The following ZC3HC1 variants were observed in gnomAD, a reference collection of about 807,000 sequenced individuals.
ZC3HC1 encodes the protein zinc finger C3HC-type containing 1.
ZC3HC1 carries 38 observed loss-of-function variants against 61.9 expected under a neutral mutation model. That is an observed-to-expected ratio of 0.61 (90% CI 0.47 to 0.81). The LOEUF is 0.81. Among genes scored for constraint, ZC3HC1 ranks in the 30% least tolerant of loss-of-function variants. The probability of loss-of-function intolerance (pLI) is 0.00; values close to 1 mark genes in which losing one functional copy is unlikely to be tolerated. For synonymous variants in ZC3HC1, 213 were observed against 229.9 expected, an observed-to-expected ratio of 0.93 and a Z score of 0.67; for missense variants, 554 against 622.7, an observed-to-expected ratio of 0.89 and a Z score of 1.17.
rs755910813 is a variant in ZC3HC1, at chr7:130,022,420, C to G, written c.1339G>C (p.Glu447Gln). 1.2e-6 allele frequency: 2 copies of G among 1,612,502 alleles called. No individual in the cohort carries two copies. The highest frequency in any genetic ancestry group is 2.2e-5 in the South Asian group (2 of 90,808). ...GKESRENGGT[E>Q]PDASAPAEPG... is the part of the protein sequence containing the mutation. The stretch of plus-strand genomic sequence containing the variant: ...TCTGCTGGGGCGCTGGCATCTGGTT[C>G]AGTTCCACCATTCTCCCTGCTTTCT... Residue 447 changes from glutamate (E) to glutamine (Q), a missense_variant, in exon 9 of 10, where the codon GAA becomes CAA. Transcript: ENST00000358303.
intron 2 of ZC3HC1, 35 bp from the exon 3 acceptor site, chr7:130,041,136 A>G (rs1194824772): frequency 3.2e-6 from 5 of 1,542,498 alleles, no homozygotes; most frequent in Non-Finnish European, 4.4e-6. Flanking sequence ...CAGCAAATAT[A>G]TATATATATG....
chr7:130,050,072 G>T (rs559137082), intron 1 of ZC3HC1, among the ~76,000 whole-genome samples: 39 of 151,988 alleles, frequency 2.6e-4, no homozygotes, highest in Non-Finnish European at 4.9e-4. Context: ...ATTGCTGAAA[G>T]ACAAGCATTT....
Position 130,037,586 on chromosome 7 carries a change from G to C in ZC3HC1, c.493+1878C>G, listed in dbSNP as rs548608510. ...TAAATCCTAGCTATTTCAACAGCAG[G>C]AAATCCTTATTATACAATCATCTTC... On this transcript the variant is annotated intron_variant, in intron 4 of 9. Transcript: ENST00000358303. Among the ~76,000 whole-genome samples, 287 of 152,240 alleles carry C rather than the reference G, an allele frequency of 1.9e-3. 2 individuals carry two copies. The highest frequency in any genetic ancestry group is 6.6e-3 in the African/African-American group (275 of 41,532).
At chr7:130,045,220 T>A (rs1483543343) in intron 2 of ZC3HC1, 1 of 180,690 alleles carries the variant, frequency 5.5e-6, no homozygotes, top group Non-Finnish European at 1.2e-5. Flanking sequence ...TGGCTTACTT[T>A]CAAATAGCTC....
At chr7:130,036,454 C>T (rs980963356) in intron 4 of ZC3HC1, among the ~76,000 whole-genome samples, 2 of 151,728 alleles carry the variant, frequency 1.3e-5, no homozygotes, top group East Asian at 1.9e-4. Context: ...TCCAGCTACT[C>T]GGAAGGCTGA....
In ZC3HC1 at chr7:130,029,020, C is replaced by A; in HGVS notation, c.503G>T (p.Gly168Val). ...WPDSPSPDRF[G>V]MLPLDEPAIL... ...AGCAGGCTCATCCAGGGGCAACATC[C>A]CAAATCGGTCTGTGGAAAAAGTAAA... is the stretch of plus-strand genomic sequence containing the variant. Residue 168 changes from glycine to valine, a missense_variant, in exon 5 of 10, where the codon GGG becomes GTG. By Grantham distance (109) the Gly-to-Val change is moderately radical. Coordinates refer to ENST00000358303, the MANE Select transcript of ZC3HC1 (RefSeq NM_016478.5). 6.2e-7 allele frequency: 1 copy of A among 1,612,612 alleles called. No individual in the cohort carries two copies. Among genetic ancestry groups the A allele is most frequent in the Non-Finnish European group, 8.5e-7 (1 of 1,179,104 alleles).
At position 130,018,708 on chromosome 7, in the gene ZC3HC1, CT is replaced by C. The variant is rs1793481634; in HGVS notation, c.1464del (p.Val489TyrfsTer24). 2.5e-6 allele frequency: 4 copies of C among 1,612,426 alleles called. No homozygotes were observed. Among genetic ancestry groups the C allele is most frequent in the Non-Finnish European group, 3.4e-6 (4 of 1,178,734 alleles). On this transcript the variant is annotated frameshift_variant, in exon 10 of 10. Transcript: ENST00000358303. LOFTEE classifies it high-confidence loss of function. ...DSMSLSEKSR[K>X]VFRIFRQWES... ...TCCCACTGCCGAAATATTCGGAATA[CT>C]TTCCTTGATTTCTCAGAGAGACTCT...
At chr7:130,035,499 T>G (rs1794398218) in intron 4 of ZC3HC1, among the ~76,000 whole-genome samples, 1 of 151,492 alleles carries the variant, frequency 6.6e-6, no homozygotes, top group African/African-American at 2.4e-5. Flanking sequence ...CCTGTGAAAC[T>G]ATTCAGCATT....
At position 130,021,547 on chromosome 7, in the gene ZC3HC1, C is replaced by A. The variant is rs3807123; in HGVS notation, c.1440+772G>T. 3.8e-4 allele frequency among the ~76,000 whole-genome samples: 58 copies of A among 152,294 alleles called. 1 individual carries two copies. In the East Asian group the frequency reaches 0.011, roughly 29 times the overall value. ...CTGCAATGGCTAGCAGAGTCACAGT[C>A]TGGGCTGTGGAACAGAGTAAAGTAA... On this transcript the variant is annotated intron_variant, in intron 9 of 9. Transcript: ENST00000358303.
chr7:130,025,752 A>G (rs1793870462), intron 6 of ZC3HC1, among the ~76,000 whole-genome samples: 1 of 151,212 alleles, frequency 6.6e-6, no homozygotes, highest in South Asian at 2.1e-4. Context: ...CTATAGTCCC[A>G]GCTACTCGGG....
intron 2 of ZC3HC1, 43 bp from the exon 3 acceptor site, chr7:130,041,144 ATGTGTGTG>A: frequency 1.4e-6 from 2 of 1,452,264 alleles, no homozygotes; most frequent in African/African-American, 3.4e-5. Flanking sequence ...ATATATATAT[ATGTGTGTG>A]TATGTGTGTG....
chr7:130,026,029 C>T (rs1793890606), intron 6 of ZC3HC1, 129 bp downstream of exon 6: 2 of 1,082,464 alleles, frequency 1.8e-6, no homozygotes, highest in Admixed American at 5.6e-5. Flanking sequence ...CATCCCCCAC[C>T]CAGTTTTTCT....
At chr7:130,050,738 A>T (rs1795042981) in intron 1 of ZC3HC1, among the ~76,000 whole-genome samples, 1 of 152,198 alleles carries the variant, frequency 6.6e-6, no homozygotes, top group African/African-American at 2.4e-5. Context: ...ACATACTACT[A>T]GATATTATGG....
At chr7:130,048,143 G>GTTTTTTTTT (rs11364921) in intron 2 of ZC3HC1, among the ~76,000 whole-genome samples, 1 of 73,736 alleles carries the variant, frequency 1.4e-5, no homozygotes, top group African/African-American at 5.8e-5. Flanking sequence ...TTTCCTAGTT[G>GTTTTTTTTT]TTTTTTTTTT....
chr7:130,025,870 C>CAAAAAAAAA (rs71175064), intron 6 of ZC3HC1, among the ~76,000 whole-genome samples: 1 of 58,592 alleles, frequency 1.7e-5, no homozygotes, highest in African/African-American at 7.7e-5. Context: ...GACTCCGTCT[C>CAAAAAAAAA]AAAAAAAAAA....
rs771060820 is a variant in ZC3HC1, at chr7:130,043,898, A to G, written c.259-2797T>C. 6.0e-5 allele frequency: 27 copies of G among 452,442 alleles called. 1 individual carries two copies. The highest frequency in any genetic ancestry group is 1.1e-4 in the Non-Finnish European group (24 of 226,170). The allele number at this position is 452,442 out of a possible 1,614,324, so 28.0% of individuals were successfully genotyped here. ...TCAAAGTAGTAAATATATTAAGGAT[A>G]ACAAATTATGTTTCACAGTGTTGAA... is the stretch of plus-strand genomic sequence containing the variant. On this transcript the variant is annotated intron_variant, in intron 2 of 9. Transcript: ENST00000358303.
At chr7:130,032,053 G>A (rs867007286) in intron 4 of ZC3HC1, among the ~76,000 whole-genome samples, 1 of 152,136 alleles carries the variant, frequency 6.6e-6, no homozygotes, top group East Asian at 1.9e-4. Context: ...GTGAAACACT[G>A]TCTCTACTAA....
chr7:130,029,122 G>C lies in ZC3HC1; in HGVS notation c.494-93C>G, dbSNP rs1041098092. ...ATGGTGGCTCATACCTGTAATCCCAGCACTTTGGAAGGCCGAGGCGGGCGG... is the reference window on the plus strand; with the variant it reads ...ATGGTGGCTCATACCTGTAATCCCACCACTTTGGAAGGCCGAGGCGGGCGG... On this transcript the variant is annotated intron_variant, in intron 4 of 9. Transcript: ENST00000358303. The C allele has an allele frequency of 1.0e-5, 14 of 1,405,154 alleles. No individual in the cohort carries two copies. In the African/African-American group the frequency reaches 2.0e-4, roughly 20 times the overall value. 87.0% of individuals were successfully genotyped at this position (1,405,154 alleles called of 1,614,324 possible). A position where few individuals can be genotyped will look rare whatever the true frequency, so the allele number is the denominator to read the frequency against.
intron 1 of ZC3HC1, among the ~76,000 whole-genome samples, chr7:130,049,607 C>T (rs1020241307): frequency 3.3e-5 from 5 of 151,310 alleles, no homozygotes; most frequent in East Asian, 1.9e-4. Flanking sequence ...TGCAACGGTG[C>T]GATCTCGGCT....
Sources: gnomAD v4.1 joint callset for allele counts (sites outside exome capture counted in the v4.1 genomes callset) on GRCh38, gnomAD v4.1.1 for gene constraint, MANE v1.5 for transcripts, NCBI Gene and HGNC (gene_info 2026-07-23, HGNC 2026-07-21) for gene names.